The following DNM3 variants were observed in gnomAD, a reference collection of about 807,000 sequenced individuals.
DNM3 encodes the protein dynamin 3, also known as dynamin-3.
In DNM3, 47 loss-of-function variants were observed where a neutral mutation model predicts 101.6. That is an observed-to-expected ratio of 0.46 (90% CI 0.37 to 0.59). DNM3 has a LOEUF of 0.59. DNM3 is among the 20% of genes least tolerant of loss of function. The pLI, the probability that DNM3 is intolerant of heterozygous loss-of-function variation, is 0.00. For missense variants in DNM3, 849 were observed against 1,085.7 expected (o/e 0.78, Z 3.06); for synonymous variants, 385 against 387.9 (o/e 0.99, Z 0.09).
intron 1 of DNM3, among the ~76,000 whole-genome samples, chr1:171,882,898 A>C (rs545217296): frequency 6.6e-6 from 1 of 152,190 alleles, no homozygotes; most frequent in African/African-American, 2.4e-5. Context: ...GATACTTCTG[A>C]CATTTAGACA....
chr1:171,891,294 G>A (rs967142044), intron 1 of DNM3, among the ~76,000 whole-genome samples: 4 of 150,392 alleles, frequency 2.7e-5, no homozygotes, highest in Non-Finnish European at 3.0e-5. Flanking sequence ...TCAAATGAAC[G>A]TTTTCTTTAA....
At chr1:172,330,174 T>C (rs115461890) in intron 17 of DNM3, among the ~76,000 whole-genome samples, 1,585 of 152,280 alleles carry the variant, frequency 0.01, 29 homozygotes, top group African/African-American at 0.036. Context: ...GCAAAGAAAT[T>C]TGTTCAAAGA....
intron 1 of DNM3, among the ~76,000 whole-genome samples, chr1:171,862,762 G>A (rs1476656573): frequency 6.6e-6 from 1 of 152,076 alleles, no homozygotes; most frequent in Non-Finnish European, 1.5e-5. Flanking sequence ...GAAAACCTTA[G>A]GACAGAGATA....
chr1:172,113,651 A>G (rs1053092819), intron 13 of DNM3, among the ~76,000 whole-genome samples: 2 of 148,646 alleles, frequency 1.3e-5, no homozygotes, highest in South Asian at 2.1e-4. Flanking sequence ...AAAACAACTC[A>G]GGAAGTCCAT....
At position 172,411,896 on chromosome 1, in the gene DNM3, C is replaced by T. The variant is rs2071229038; in HGVS notation, c.*4055C>T. On this transcript the variant is annotated 3_prime_UTR_variant, in exon 21 of 21. Transcript: ENST00000627582. ...AAATGATTATTCGTTCACCAGATCA[C>T]TCATTGTACATTCTAAAAAGCTCAA... The T allele has an allele frequency of 1.0e-6, 1 of 985,676 alleles. No individual in the cohort carries two copies. Among genetic ancestry groups the T allele is most frequent in the African/African-American group, 1.7e-5 (1 of 57,232 alleles). The allele number at this position is 985,676 out of a possible 1,614,324, so 61.1% of individuals were successfully genotyped here. A position where few individuals can be genotyped will look rare whatever the true frequency, so the allele number is the denominator to read the frequency against.
rs188626255 is a variant in DNM3, at chr1:171,966,281, C to A, written c.236-21375C>A. 2.0e-5 allele frequency among the ~76,000 whole-genome samples: 3 copies of A among 152,318 alleles called. No individual in the cohort carries two copies. The East Asian group carries it at 5.8e-4, about 29-fold the overall frequency. On this transcript the variant is annotated intron_variant, in intron 2 of 20. Transcript: ENST00000627582. ...AGGCTTGAGCTTTCTCTGGCCTAAGCCAGGCACAGAAGCTTCCCTCTCCCT... is the reference window on the plus strand; with the variant it reads ...AGGCTTGAGCTTTCTCTGGCCTAAGACAGGCACAGAAGCTTCCCTCTCCCT...
chr1:171,864,811 TTTAA>T (rs2034548764), intron 1 of DNM3: 1 of 152,174 alleles, frequency 6.6e-6, no homozygotes, highest in African/African-American at 2.4e-5. Context: ...TTAGTAATGC[TTTAA>T]TTTTCAGTTT....
At chr1:171,968,517 T>C (rs2043755706) in intron 2 of DNM3, among the ~76,000 whole-genome samples, 1 of 152,204 alleles carries the variant, frequency 6.6e-6, no homozygotes, top group South Asian at 2.1e-4. Context: ...CAGAGGGGAC[T>C]TCATTATCAT....
chr1:172,381,200 C>T (rs538326304), intron 18 of DNM3, among the ~76,000 whole-genome samples: 6 of 151,950 alleles, frequency 3.9e-5, no homozygotes, highest in East Asian at 3.9e-4. Flanking sequence ...ATATTATCCT[C>T]GGAGGTAAAG....
At chr1:172,058,427 T>C (rs2050838602) in intron 10 of DNM3, among the ~76,000 whole-genome samples, 1 of 150,554 alleles carries the variant, frequency 6.6e-6, no homozygotes, top group South Asian at 2.1e-4. Flanking sequence ...TATTCCAAAA[T>C]TGACCACATA....
intron 15 of DNM3, among the ~76,000 whole-genome samples, chr1:172,276,557 A>ATATGTGTGTGTGTG (rs1553218156): frequency 6.9e-6 from 1 of 144,262 alleles, no homozygotes; most frequent in Non-Finnish European, 1.5e-5. Context: ...AAAAATCTTA[A>ATATGTGTGTGTGTG]TGTGTGTGTG....
intron 17 of DNM3, among the ~76,000 whole-genome samples, chr1:172,359,434 GA>G (rs1413437049): frequency 2.6e-5 from 4 of 151,844 alleles, no homozygotes; most frequent in Non-Finnish European, 4.4e-5. Flanking sequence ...AAATCTTGAA[GA>G]TTTTTTTTGT....
In DNM3 at chr1:172,076,965, G is replaced by A. The variant is rs1011058599; in HGVS notation, c.1423-4867G>A. ...GGTCCTGGGCTTTTTTTGGTTGGTA[G>A]GCTATTAATGACTGCCTCAATTTCA... On this transcript the variant is annotated intron_variant, in intron 11 of 20. Transcript: ENST00000627582. Among the ~76,000 whole-genome samples, 4 of 152,032 alleles carry A rather than the reference G, an allele frequency of 2.6e-5. No individual in the cohort carries two copies. In the South Asian group the frequency reaches 6.2e-4, roughly 24 times the overall value.
intron 11 of DNM3, 52 bp downstream of exon 11, chr1:172,068,957 C>A: frequency 6.7e-7 from 1 of 1,501,046 alleles, no homozygotes; most frequent in South Asian, 1.2e-5. Flanking sequence ...GGTCGAAGGT[C>A]TCTGCAAGGT....
At chr1:172,273,225 C>T (rs1473603651) in intron 15 of DNM3, among the ~76,000 whole-genome samples, 1 of 152,036 alleles carries the variant, frequency 6.6e-6, no homozygotes, top group Non-Finnish European at 1.5e-5. Context: ...AGAGCACTAA[C>T]TCTGACATGT....
chr1:172,232,648 T>C (rs1269749600), intron 14 of DNM3, among the ~76,000 whole-genome samples: 20 of 152,162 alleles, frequency 1.3e-4, no homozygotes, highest in African/African-American at 4.3e-4. Flanking sequence ...ATAAAGCACT[T>C]CTCAGCAAAT....
chr1:172,096,310 A>C (rs997861763), intron 13 of DNM3, among the ~76,000 whole-genome samples: 1 of 152,222 alleles, frequency 6.6e-6, no homozygotes, highest in Non-Finnish European at 1.5e-5. Context: ...AAAGCAGTAC[A>C]GAATTATAGT....
intron 13 of DNM3, among the ~76,000 whole-genome samples, chr1:172,111,749 G>C (rs1421746151): frequency 6.6e-6 from 1 of 152,040 alleles, no homozygotes; most frequent in Non-Finnish European, 1.5e-5. Context: ...AGAAGAAAGA[G>C]AGCCACATGG....
chr1:172,316,167 A>G (rs1230127244), intron 16 of DNM3, among the ~76,000 whole-genome samples: 5 of 152,278 alleles, frequency 3.3e-5, no homozygotes, highest in Middle Eastern at 3.4e-3. Flanking sequence ...GAAATAAAAT[A>G]CTTCACAGAC....
Sources: allele counts gnomAD v4.1 joint callset (sites outside exome capture counted in the v4.1 genomes callset), GRCh38; gene constraint gnomAD v4.1.1; transcripts MANE v1.5; gene names NCBI Gene and HGNC (gene_info 2026-07-23, HGNC 2026-07-21).